VPS53: variants seen among roughly 807,000 people sequenced by gnomAD.
VPS53 encodes vacuolar protein sorting-associated protein 53 homolog.
VPS53 carries 70 observed loss-of-function variants against 107.0 expected under a neutral mutation model. The observed-to-expected ratio is 0.65, with a 90% CI of 0.54 to 0.80. VPS53 has a LOEUF of 0.80. VPS53 is among the 30% of genes least tolerant of loss of function. VPS53 has a pLI of 0.00. For missense variants in VPS53, 917 were observed against 1,049.4 expected (o/e 0.87, Z 1.74); for synonymous variants, 409 against 393.3 (o/e 1.04, Z -0.47).
chr17:566,836 CG>C (rs777818380), intron 13 of VPS53, among the ~76,000 whole-genome samples: 1 of 151,960 alleles, frequency 6.6e-6, no homozygotes, highest in Non-Finnish European at 1.5e-5. Flanking sequence ...CTCTGCCTCC[CG>C]GGTTCAAGTG....
rs1907775135 is a variant in VPS53, at chr17:509,164, C to A, written c.*9964G>T. 1 of 149,546 alleles carries A rather than the reference C, an allele frequency of 6.7e-6. No homozygotes were observed. Among genetic ancestry groups the A allele is most frequent in the African/African-American group, 2.5e-5 (1 of 40,026 alleles). 9.3% of individuals were successfully genotyped at this position (149,546 alleles called of 1,614,324 possible). A position where few individuals can be genotyped will look rare whatever the true frequency, so the allele number is the denominator to read the frequency against. Reference sequence around the variant, plus strand: ...CAGTCACATATCAAATCCTGCCTCACCCCCTTACTAGTCACATATCAAATC... The same window carrying A: ...CAGTCACATATCAAATCCTGCCTCAACCCCTTACTAGTCACATATCAAATC... On this transcript the variant is annotated 3_prime_UTR_variant, in exon 22 of 22. Coordinates refer to ENST00000437048, the MANE Select transcript of VPS53 (RefSeq NM_001128159.3).
At chr17:576,209 C>A (rs375277635) in intron 13 of VPS53, among the ~76,000 whole-genome samples, 6 of 150,708 alleles carry the variant, frequency 4.0e-5, no homozygotes, top group African/African-American at 1.5e-4. Flanking sequence ...CTAAATGGTT[C>A]CCAGAGAACC....
chr17:712,096 G>A (rs1489928624), intron 1 of VPS53, among the ~76,000 whole-genome samples: 2 of 151,106 alleles, frequency 1.3e-5, no homozygotes, highest in Non-Finnish European at 2.9e-5. Context: ...GATTACAGGC[G>A]TGAGCCTCCA....
chr17:608,493 A>C (rs1185465406), intron 11 of VPS53, among the ~76,000 whole-genome samples: 1 of 152,204 alleles, frequency 6.6e-6, no homozygotes, highest in Admixed American at 6.5e-5. Flanking sequence ...AGAATTAAAC[A>C]GTGTGGATAC....
At chr17:606,244 G>A (rs183782824) in intron 11 of VPS53, among the ~76,000 whole-genome samples, 166 of 152,236 alleles carry the variant, frequency 1.1e-3, no homozygotes, top group African/African-American at 3.1e-3. Context: ...GCAACTGCAC[G>A]GCTGATGTTG....
chr17:622,041 G>A (rs758636512), intron 11 of VPS53, among the ~76,000 whole-genome samples: 5 of 151,976 alleles, frequency 3.3e-5, no homozygotes, highest in African/African-American at 7.2e-5. Flanking sequence ...GTGAAACCCC[G>A]TCTCTACTAA....
At chr17:657,312 T>C in intron 5 of VPS53, 1 of 769,470 alleles carries the variant, frequency 1.3e-6, no homozygotes, top group African/African-American at 1.7e-5. Flanking sequence ...GCTGATGACA[T>C]CCATGAACCC....
intron 4 of VPS53, among the ~76,000 whole-genome samples, chr17:683,652 T>C (rs1291990048): frequency 6.6e-6 from 1 of 152,244 alleles, no homozygotes; most frequent in Non-Finnish European, 1.5e-5. Context: ...TTATGTATCC[T>C]ATAACATGTT....
At chr17:707,353 C>T (rs1299764639) in intron 2 of VPS53, among the ~76,000 whole-genome samples, 1 of 151,864 alleles carries the variant, frequency 6.6e-6, no homozygotes, top group Non-Finnish European at 1.5e-5. Context: ...GAAACCCCAT[C>T]TCTACTAAAA....
chr17:656,831 C>G, intron 5 of VPS53: 1 of 1,586,954 alleles, frequency 6.3e-7, no homozygotes, highest in Non-Finnish European at 8.6e-7. Context: ...TCTCTTGTCT[C>G]TCTCTTCAGC....
Position 631,590 on chromosome 17 carries a change from A to G in VPS53, c.647T>C (p.Leu216Pro). The change falls in exon 8 of 22, where the codon CTG (leucine) becomes CCG (proline). Residue 216 changes from leucine (L) to proline (P), a missense_variant. Physicochemically the swap from Leu to Pro is moderately conservative, Grantham distance 98. Transcript: ENST00000437048. ...AAQTELGQQI[L>P]ADFEEAFPSQ... is the part of the protein sequence containing the mutation. ...AGGAAACGCTTCTTCAAAATCTGCC[A>G]GGATTTGCTGTCCTAACTCAGTCTG... 1 of 1,614,144 alleles carries G rather than the reference A, an allele frequency of 6.2e-7. No homozygotes were observed. Among genetic ancestry groups the G allele is most frequent in the Non-Finnish European group, 8.5e-7 (1 of 1,180,018 alleles).
At chr17:558,894 C>A (rs958616604) in intron 15 of VPS53, among the ~76,000 whole-genome samples, 4 of 151,542 alleles carry the variant, frequency 2.6e-5, no homozygotes, top group African/African-American at 7.3e-5. Context: ...ACTCAGGAGG[C>A]TGAGGCAGAA....
At position 593,254 on chromosome 17, in the gene VPS53, G is replaced by A. The variant is rs995446148; in HGVS notation, c.1219-6890C>T. Among the ~76,000 whole-genome samples, 14 of 152,134 alleles carry A rather than the reference G, an allele frequency of 9.2e-5. No individual in the cohort carries two copies. The South Asian group carries it at 2.5e-3, about 27-fold the overall frequency. On this transcript the variant is annotated intron_variant, in intron 12 of 21. Transcript: ENST00000437048. ...CATTCAGGACATAGGCATGGGCAAGGACTTCATGTCTAAAACACCAAAAGC... is the reference window on the plus strand; with the variant it reads ...CATTCAGGACATAGGCATGGGCAAGAACTTCATGTCTAAAACACCAAAAGC...
At chr17:681,715 T>C (rs1217048637) in intron 4 of VPS53, among the ~76,000 whole-genome samples, 1 of 152,192 alleles carries the variant, frequency 6.6e-6, no homozygotes, top group Admixed American at 6.5e-5. Context: ...ACAACAGAAA[T>C]TGTTAACAGT....
chr17:591,398 C>T (rs368525745), intron 12 of VPS53, among the ~76,000 whole-genome samples: 4 of 149,650 alleles, frequency 2.7e-5, no homozygotes, highest in African/African-American at 7.3e-5. Context: ...CTCTGATTTT[C>T]GTTATTTCTT....
At chr17:621,890 T>G (rs963143708) in intron 11 of VPS53, among the ~76,000 whole-genome samples, 10 of 152,200 alleles carry the variant, frequency 6.6e-5, no homozygotes, top group African/African-American at 2.2e-4. Flanking sequence ...TTGGGTTTTA[T>G]GTCTTATTTA....
chr17:684,921 G>A (rs1972531199), intron 4 of VPS53: 1 of 152,150 alleles, frequency 6.6e-6, no homozygotes, highest in Non-Finnish European at 1.5e-5. Context: ...CTAGGAGGCG[G>A]AGGTTGCCGT....
chr17:633,817 A>T (rs965479034), intron 7 of VPS53, among the ~76,000 whole-genome samples: 2 of 152,194 alleles, frequency 1.3e-5, no homozygotes, highest in African/African-American at 4.8e-5. Flanking sequence ...GACATGAGAG[A>T]AAAGAATAAA....
Position 562,765 on chromosome 17 carries a change from C to T in VPS53, c.1314-20G>A, listed in dbSNP as rs200526370. The T allele has an allele frequency of 1.3e-5, 19 of 1,506,724 alleles. No homozygotes were observed. Among genetic ancestry groups the T allele is most frequent in the Non-Finnish European group, 1.7e-5 (19 of 1,098,632 alleles). The allele number at this position is 1,506,724 out of a possible 1,614,324, so 93.3% of individuals were successfully genotyped here. ...AGGTTCCTAGGAGGAAAAAAAAAAA[C>T]CAAAAATGTTATTTTACTTCAAGAA... On this transcript the variant is annotated intron_variant, in intron 13 of 21. Coordinates refer to ENST00000437048, the MANE Select transcript of VPS53 (RefSeq NM_001128159.3).
Sources: gnomAD v4.1 joint callset for allele counts (sites outside exome capture counted in the v4.1 genomes callset) on GRCh38, gnomAD v4.1.1 for gene constraint, MANE v1.5 for transcripts, NCBI Gene and HGNC (gene_info 2026-07-23, HGNC 2026-07-21) for gene names.